CIMAP1D: variants seen among roughly 807,000 people sequenced by gnomAD.
CIMAP1D encodes protein CIMAP1D.
chr19:481,489 G>A, the CIMAP1D span, among the ~76,000 whole-genome samples: 3 of 62,102 alleles, frequency 4.8e-5, no homozygotes, highest in Admixed American at 1.6e-4. Context: ...AGGATGATGG[G>A]AAGGATGATG....
At chr19:464,409 C>T in the CIMAP1D span, 1 of 1,207,834 alleles carries the variant, frequency 8.3e-7, no homozygotes, top group Non-Finnish European at 1.2e-6. Context: ...TCCTCACCTG[C>T]CCAGAGACCC....
At chr19:473,424 G>T in the CIMAP1D span, among the ~76,000 whole-genome samples, 2 of 112,196 alleles carry the variant, frequency 1.8e-5, no homozygotes, top group Non-Finnish European at 1.9e-5. Context: ...CTGAGGCCCA[G>T]GCAGAGATAC....
the CIMAP1D span, among the ~76,000 whole-genome samples, chr19:474,389 G>C: frequency 7.2e-5 from 11 of 152,232 alleles, no homozygotes; most frequent in African/African-American, 2.4e-4. Context: ...CCCTGGAAGG[G>C]GACCCGGCTG....
At chr19:474,667 C>T in the CIMAP1D span, 33 of 1,582,362 alleles carry the variant, frequency 2.1e-5, no homozygotes, top group Admixed American at 1.2e-4. Flanking sequence ...GGCCGGTCTC[C>T]GGAATCTGGC....
the CIMAP1D span, among the ~76,000 whole-genome samples, chr19:487,821 T>TA: frequency 6.6e-6 from 1 of 152,138 alleles, no homozygotes; most frequent in Non-Finnish European, 1.5e-5. Context: ...AAGTAAAAAC[T>TA]AAAAGGCAGA....
the CIMAP1D span, among the ~76,000 whole-genome samples, chr19:476,465 C>T: frequency 6.6e-6 from 1 of 152,176 alleles, no homozygotes; most frequent in Non-Finnish European, 1.5e-5. Context: ...GCTGGGATTA[C>T]AAGCGTAAGC....
the CIMAP1D span, among the ~76,000 whole-genome samples, chr19:470,641 C>T: frequency 6.6e-6 from 1 of 152,170 alleles, no homozygotes; most frequent in Non-Finnish European, 1.5e-5. Flanking sequence ...AGGCTGAGAA[C>T]AGGCTGCTGT....
At chr19:488,917 A>T in the CIMAP1D span, among the ~76,000 whole-genome samples, 1 of 151,316 alleles carries the variant, frequency 6.6e-6, no homozygotes, top group Non-Finnish European at 1.5e-5. Flanking sequence ...TGGGAACGCG[A>T]GGAGACCGAC....
At chr19:470,916 G>A in the CIMAP1D span, among the ~76,000 whole-genome samples, 43 of 152,136 alleles carry the variant, frequency 2.8e-4, no homozygotes, top group Non-Finnish European at 5.4e-4. Context: ...ATGGGGCAAG[G>A]CCACCAGCCT....
chr19:464,151 C>A, the CIMAP1D span: 153 of 1,477,436 alleles, frequency 1.0e-4, no homozygotes, highest in Non-Finnish European at 1.3e-4. Flanking sequence ...GGGGGGGGTG[C>A]GGCCCACCAC....
the CIMAP1D span, chr19:463,583 A>ACCTGG: frequency 2.0e-5 from 11 of 536,978 alleles, no homozygotes; most frequent in South Asian, 1.3e-4. Context: ...CCCTTTCCCC[A>ACCTGG]CCTGGCCTGG....
At chr19:471,801 G>GCT in the CIMAP1D span, among the ~76,000 whole-genome samples, 1 of 151,788 alleles carries the variant, frequency 6.6e-6, no homozygotes, top group Non-Finnish European at 1.5e-5. Context: ...GGAGTGCAGT[G>GCT]GCGCCATCTC....
chr19:479,943 TATC>T, the CIMAP1D span, among the ~76,000 whole-genome samples: 15 of 152,360 alleles, frequency 9.8e-5, no homozygotes, highest in East Asian at 2.7e-3. Context: ...TGTTTCTTGT[TATC>T]ATTTTCTACG....
chr19:490,971 C>T, the CIMAP1D span, among the ~76,000 whole-genome samples: 1 of 152,110 alleles, frequency 6.6e-6, no homozygotes, highest in Non-Finnish European at 1.5e-5. Context: ...TGGTGGCAGG[C>T]GCCTGTAGTC....
the CIMAP1D span, among the ~76,000 whole-genome samples, chr19:484,750 G>C: frequency 2.6e-5 from 4 of 152,208 alleles, no homozygotes; most frequent in African/African-American, 9.7e-5. Flanking sequence ...GGTGAGGAGG[G>C]GAGAGCAGGA....
chr19:464,068 G>A, the CIMAP1D span: 10 of 1,576,342 alleles, frequency 6.3e-6, no homozygotes, highest in African/African-American at 1.4e-5. Flanking sequence ...AGGCGCTGGC[G>A]GTAGGTGTTT....
chr19:464,470 A>C, the CIMAP1D span: 28 of 715,650 alleles, frequency 3.9e-5, no homozygotes, highest in Non-Finnish European at 6.3e-5. Context: ...AACGCTTCTC[A>C]AGCAGCCTGG....
At chr19:481,468 GAT>G in the CIMAP1D span, among the ~76,000 whole-genome samples, 1 of 121,448 alleles carries the variant, frequency 8.2e-6, no homozygotes, top group East Asian at 2.8e-4. Flanking sequence ...TGATGGGAAG[GAT>G]GATGGGGAAG....
At chr19:474,795 C>T in the CIMAP1D span, 5 of 1,384,606 alleles carry the variant, frequency 3.6e-6, no homozygotes, top group African/African-American at 5.9e-5. Flanking sequence ...CTGGTGCTAC[C>T]TTCTGAGCCG....
Sources: gnomAD v4.1 joint callset for allele counts (sites outside exome capture counted in the v4.1 genomes callset) on GRCh38, gnomAD v4.1.1 for gene constraint, MANE v1.5 for transcripts, NCBI Gene and HGNC (gene_info 2026-07-23, HGNC 2026-07-21) for gene names.